The following PCGF3 variants were observed in gnomAD, a reference collection of about 807,000 sequenced individuals.
The protein encoded by PCGF3 is polycomb group ring finger 3.
In PCGF3, 7 loss-of-function variants were observed where a neutral mutation model predicts 33.1. That is an observed-to-expected ratio of 0.21 (90% confidence interval 0.12 to 0.40). The LOEUF is 0.40. Ranked by LOEUF, PCGF3 falls within the 10% of genes least tolerant of loss-of-function variation. PCGF3 has a pLI of 1.00. For synonymous variants in PCGF3, 153 were observed against 121.3 expected, an observed-to-expected ratio of 1.26 and a Z score of -1.72; for missense variants, 211 against 313.3, an observed-to-expected ratio of 0.67 and a Z score of 2.46.
At chr4:743,544 G>C in exon 7 of PCGF3, 1 of 1,612,934 alleles carries the variant, frequency 6.2e-7, no homozygotes, top group Non-Finnish European at 8.5e-7. Context: ...TCAAGGGGGA[G>C]ACCTGCTCTG....
intron 5 of PCGF3, among the ~76,000 whole-genome samples, chr4:736,715 C>T (rs1224966864): frequency 6.6e-6 from 1 of 150,624 alleles, no homozygotes. Flanking sequence ...TCCGCAGGGA[C>T]GGTGTCCCCT....
At chr4:743,154 T>C (rs1744166744) in intron 6 of PCGF3, among the ~76,000 whole-genome samples, 1 of 152,136 alleles carries the variant, frequency 6.6e-6, no homozygotes, top group Non-Finnish European at 1.5e-5. Context: ...TCTGCGCCAT[T>C]GGACACTCAC....
intron 8 of PCGF3, among the ~76,000 whole-genome samples, chr4:749,288 C>G (rs1395185395): frequency 6.6e-6 from 1 of 152,012 alleles, no homozygotes; most frequent in Admixed American, 6.5e-5. Context: ...CCTCAGCCTC[C>G]CAAGTAGCTG....
intron 1 of PCGF3, among the ~76,000 whole-genome samples, chr4:727,493 G>A (rs1300845251): frequency 6.6e-6 from 1 of 151,974 alleles, no homozygotes; most frequent in Non-Finnish European, 1.5e-5. Context: ...GCCAGCCTCG[G>A]CCTCTCAAAG....
At chr4:716,291 T>G in intron 1 of PCGF3, among the ~76,000 whole-genome samples, 1 of 135,790 alleles carries the variant, frequency 7.4e-6, no homozygotes, top group African/African-American at 2.8e-5. Context: ...ACACTGAGTG[T>G]GAGAACTGGG....
rs755289878 is a variant in PCGF3, at chr4:737,536, G to A, written c.262+15G>A. On this transcript the variant is annotated intron_variant, in intron 6 of 10. Coordinates refer to ENST00000362003, the Ensembl canonical transcript of PCGF3. ...CCTCCAAGAAGGTGAGTGTCTGACT[G>A]TCTTGCTGATCCCTGAGGTCCCAGC... 12 of 1,565,624 alleles carry A rather than the reference G, an allele frequency of 7.7e-6. No individual in the cohort carries two copies. The Admixed American group carries it at 8.3e-5, about 11-fold the overall frequency.
chr4:735,162 C>T, intron 5 of PCGF3, 135 bp downstream of exon 5: 2 of 955,142 alleles, frequency 2.1e-6, no homozygotes, highest in Non-Finnish European at 3.1e-6. Flanking sequence ...CAAGGGCACC[C>T]CAGGAGCTGC....
intron 3 of PCGF3, among the ~76,000 whole-genome samples, chr4:732,843 C>T (rs1321685113): frequency 6.6e-6 from 1 of 152,364 alleles, no homozygotes; most frequent in African/African-American, 2.4e-5. Context: ...CCACCAGCCT[C>T]CGCACGCGGA....
intron 8 of PCGF3, among the ~76,000 whole-genome samples, chr4:759,830 CCGGG>C: frequency 3.7e-5 from 1 of 26,824 alleles, no homozygotes; most frequent in Non-Finnish European, 8.7e-5. Context: ...CTTCCGGACT[CCGGG>C]TCTTTCTCCC....
intron 6 of PCGF3, among the ~76,000 whole-genome samples, chr4:741,036 G>A (rs1005332759): frequency 4.6e-5 from 7 of 152,256 alleles, no homozygotes; most frequent in Non-Finnish European, 7.3e-5. Flanking sequence ...TTGTTGAACT[G>A]TCATTGTTGA....
At chr4:729,604 C>T (rs989181523) in intron 1 of PCGF3, among the ~76,000 whole-genome samples, 2 of 152,100 alleles carry the variant, frequency 1.3e-5, no homozygotes, top group African/African-American at 4.8e-5. Context: ...CATCTTGTTT[C>T]TCTTCTCCCT....
At chr4:756,359 C>A (rs991693525) in intron 8 of PCGF3, among the ~76,000 whole-genome samples, 1 of 151,732 alleles carries the variant, frequency 6.6e-6, no homozygotes, top group African/African-American at 2.4e-5. Context: ...ATTACAGGCA[C>A]GCACCACCAT....
At chr4:743,840 G>T (rs1229123424) in intron 7 of PCGF3, 1 of 374,850 alleles carries the variant, frequency 2.7e-6, no homozygotes, top group East Asian at 4.8e-5. Context: ...CAGAGGTCAG[G>T]GTTCAGAAGG....
intron 6 of PCGF3, among the ~76,000 whole-genome samples, 182 bp from the exon 7 acceptor site, chr4:743,292 G>C (rs1744172981): frequency 6.6e-6 from 1 of 152,204 alleles, no homozygotes; most frequent in Admixed American, 6.5e-5. Flanking sequence ...GGTGCCCGGG[G>C]GGTGCGCTTC....
exon 11 of PCGF3, chr4:767,315 T>C (rs1745426583): frequency 7.5e-6 from 1 of 133,292 alleles, no homozygotes; most frequent in East Asian, 2.1e-4. Context: ...CACACACACA[T>C]TTTTTTTTTT....
chr4:750,800 C>A (rs370093652), intron 8 of PCGF3, among the ~76,000 whole-genome samples: 3 of 151,774 alleles, frequency 2.0e-5, no homozygotes, highest in African/African-American at 7.2e-5. Flanking sequence ...ATGGTTCTTA[C>A]GTAGTTTTGA....
Position 711,443 on chromosome 4 carries a change from C to CTTTTTTT in PCGF3, c.-190+5477_-190+5483dup, listed in dbSNP as rs201359627. Among the ~76,000 whole-genome samples the CTTTTTTT allele has an allele frequency of 2.8e-4, 35 of 122,930 alleles. 2 individuals are homozygous for CTTTTTTT. Among genetic ancestry groups the CTTTTTTT allele is most frequent in the African/African-American group, 4.0e-4 (14 of 35,192 alleles). The allele number at this position is 122,930 out of a possible 152,430, so 80.6% of individuals were successfully genotyped here. ...AATTGAAGTTGAAAATGTAATTTTT[C>CTTTTTTT]TTTTTTTTTTCTTTTTTTTTTTTTT... is the stretch of plus-strand genomic sequence containing the variant. On this transcript the variant is annotated intron_variant, in intron 1 of 10. Coordinates refer to ENST00000362003, the Ensembl canonical transcript of PCGF3.
chr4:744,393 C>T (rs564784123), intron 7 of PCGF3, among the ~76,000 whole-genome samples: 2 of 152,342 alleles, frequency 1.3e-5, no homozygotes, highest in East Asian at 3.9e-4. Flanking sequence ...ACGCCTGCAC[C>T]CCACAGGCCC....
At chr4:768,816 C>T (rs1027019160) in exon 11 of PCGF3, 3 of 152,594 alleles carry the variant, frequency 2.0e-5, no homozygotes, top group Non-Finnish European at 4.4e-5. Flanking sequence ...AGATGTTTTG[C>T]AAGCTTCTTT....
Sources: gnomAD v4.1 joint callset for allele counts (sites outside exome capture counted in the v4.1 genomes callset) on GRCh38, gnomAD v4.1.1 for gene constraint, MANE v1.5 for transcripts, NCBI Gene and HGNC (gene_info 2026-07-23, HGNC 2026-07-21) for gene names.